The following GLRX5 variants were observed in gnomAD, a reference collection of about 807,000 sequenced individuals.
The protein encoded by GLRX5 is glutaredoxin 5.
A neutral mutation model predicts 13.8 loss-of-function variants in GLRX5; 10 were observed. That is an observed-to-expected ratio of 0.72 (90% CI 0.45 to 1.23). The LOEUF is 1.23. Ranked by LOEUF, GLRX5 falls within the 50% of genes most tolerant of loss-of-function variation. The probability of loss-of-function intolerance (pLI) is 0.00; values close to 1 mark genes in which losing one functional copy is unlikely to be tolerated. For missense variants in GLRX5, 233 were observed against 215.2 expected (o/e 1.08, Z -0.52); for synonymous variants, 98 against 101.1 (o/e 0.97, Z 0.18).
chr14:95,543,539 G>A, intron 1 of GLRX5: 1 of 311,726 alleles, frequency 3.2e-6, no homozygotes, highest in Non-Finnish European at 6.3e-6. Flanking sequence ...AGCTTGACTG[G>A]TAGATGGAGA....
In GLRX5 at chr14:95,544,020, C is replaced by T; in HGVS notation, c.369C>T (p.Asp123=). Residue 123 remains aspartate, a synonymous_variant, in exon 2 of 2, where the codon GAC becomes GAT. Transcript: ENST00000331334. The part of the protein sequence containing the change: ...YLNGEFVGGC[D]ILLQMHQNGD... The stretch of plus-strand genomic sequence containing the variant: ...ATGGCGAGTTTGTAGGGGGCTGTGA[C>T]ATTCTTCTGCAGATGCACCAGAATG... The T allele has an allele frequency of 4.3e-6, 7 of 1,614,054 alleles. No individual in the cohort carries two copies. Among genetic ancestry groups the T allele is most frequent in the Non-Finnish European group, 5.9e-6 (7 of 1,179,906 alleles).
intron 1 of GLRX5, 140 bp downstream of exon 1, chr14:95,535,524 G>C: frequency 2.5e-6 from 2 of 788,302 alleles, no homozygotes; most frequent in Non-Finnish European, 4.1e-6. Context: ...AGCCGGGTTA[G>C]GGCGAGGAGT....
Position 95,544,089 on chromosome 14 carries a change from C to T in GLRX5, c.438C>T (p.Ala146=). Residue 146 remains alanine, a synonymous_variant, in exon 2 of 2, where the codon GCC becomes GCT. Transcript: ENST00000331334. ...EELKKLGIHS[A]LLDEKKDQDS... ...TGAAAAAGCTGGGGATCCACTCCGC[C>T]CTTTTAGATGAAAAGAAAGACCAAG... 6.2e-7 allele frequency: 1 copy of T among 1,614,100 alleles called. No homozygotes were observed. Among genetic ancestry groups the T allele is most frequent in the Non-Finnish European group, 8.5e-7 (1 of 1,180,006 alleles).
At chr14:95,541,465 C>T (rs1008170851) in intron 1 of GLRX5, among the ~76,000 whole-genome samples, 8 of 152,228 alleles carry the variant, frequency 5.3e-5, no homozygotes, top group African/African-American at 1.7e-4. Flanking sequence ...TGCCAGCTGC[C>T]TATTACACCT....
In GLRX5 at chr14:95,544,031, A is replaced by G; in HGVS notation, c.380A>G (p.Gln127Arg). ...GTAGGGGGCTGTGACATTCTTCTGC[A>G]GATGCACCAGAATGGGGACTTGGTG... is the stretch of plus-strand genomic sequence containing the variant. ...EFVGGCDILLQMHQNGDLVEE... is the reference protein window; with the variant it reads ...EFVGGCDILLRMHQNGDLVEE... Residue 127 changes from glutamine to arginine, a missense_variant, in exon 2 of 2, where the codon CAG (glutamine) becomes CGG (arginine). By Grantham distance (43) the Gln-to-Arg change is conservative (BLOSUM62 1). Transcript: ENST00000331334. 6.2e-7 allele frequency: 1 copy of G among 1,613,922 alleles called. No individual in the cohort carries two copies. Among genetic ancestry groups the G allele is most frequent in the Non-Finnish European group, 8.5e-7 (1 of 1,179,744 alleles).
intron 1 of GLRX5, among the ~76,000 whole-genome samples, chr14:95,541,386 T>C (rs1891470426): frequency 6.6e-6 from 1 of 152,224 alleles, no homozygotes; most frequent in African/African-American, 2.4e-5. Flanking sequence ...ATATTTAAAC[T>C]GGTAATCAAC....
At chr14:95,539,914 A>G (rs756729130) in intron 1 of GLRX5, among the ~76,000 whole-genome samples, 1 of 149,024 alleles carries the variant, frequency 6.7e-6, no homozygotes, top group Non-Finnish European at 1.5e-5. Flanking sequence ...TTTTTTTGAG[A>G]GAGTGTTACT....
intron 1 of GLRX5, among the ~76,000 whole-genome samples, chr14:95,541,771 C>T (rs982395318): frequency 6.6e-6 from 1 of 152,304 alleles, no homozygotes. Context: ...TGATGAAAAG[C>T]AATTTTACTT....
intron 1 of GLRX5, chr14:95,543,490 A>G: frequency 6.3e-6 from 2 of 316,362 alleles, no homozygotes; most frequent in South Asian, 5.3e-5. Context: ...TTGGAAATGA[A>G]GTTGGTTGTG....
At chr14:95,543,196 A>C (rs1260971822) in intron 1 of GLRX5, 2 of 455,890 alleles carry the variant, frequency 4.4e-6, no homozygotes, top group African/African-American at 4.0e-5. Context: ...GGCCTTCATT[A>C]GACTCACCAG....
Position 95,535,165 on chromosome 14 carries a change from G to T in GLRX5, c.76G>T (p.Gly26Cys). ...GRGAGGGGLW[G>C]PGVRAAGSGA... Reference sequence around the variant, plus strand: ...CGGCGCGGGCGGCGGTGGCCTTTGGGGTCCGGGCGTGCGGGCGGCGGGCTC... The same window carrying T: ...CGGCGCGGGCGGCGGTGGCCTTTGGTGTCCGGGCGTGCGGGCGGCGGGCTC... The change falls in exon 1 of 2, where the codon GGT becomes TGT. Residue 26 changes from glycine (G) to cysteine (C), a missense_variant. Gly to Cys is a radical substitution (Grantham distance 159). Coordinates refer to ENST00000331334, the MANE Select transcript of GLRX5 (RefSeq NM_016417.3). 7.0e-7 allele frequency: 1 copy of T among 1,430,048 alleles called. No homozygotes were observed. Among genetic ancestry groups the T allele is most frequent in the Non-Finnish European group, 9.2e-7 (1 of 1,085,920 alleles). The allele number at this position is 1,430,048 out of a possible 1,614,324, so 88.6% of individuals were successfully genotyped here. A position where few individuals can be genotyped will look rare whatever the true frequency, so the allele number is the denominator to read the frequency against.
Position 95,544,021 on chromosome 14 carries a change from ATTC to A in GLRX5, c.375_377del (p.Leu126del). The A allele has an allele frequency of 6.2e-7, 1 of 1,614,106 alleles. No homozygotes were observed. Among genetic ancestry groups the A allele is most frequent in the Non-Finnish European group, 8.5e-7 (1 of 1,179,932 alleles). ...TGGCGAGTTTGTAGGGGGCTGTGAC[ATTC>A]TTCTGCAGATGCACCAGAATGGGGA... On this transcript the variant is annotated inframe_deletion, in exon 2 of 2. Coordinates refer to ENST00000331334, the MANE Select transcript of GLRX5 (RefSeq NM_016417.3).
intron 1 of GLRX5, among the ~76,000 whole-genome samples, chr14:95,541,369 T>C (rs1487326862): frequency 6.6e-6 from 1 of 152,232 alleles, no homozygotes; most frequent in African/African-American, 2.4e-5. Context: ...ATTGGGTATT[T>C]CCTTAAATAT....
rs748797629 is a variant in GLRX5 at position 95,544,616 on chromosome 14, G to A, written c.*491G>A. On this transcript the variant is annotated 3_prime_UTR_variant, in exon 2 of 2. Transcript: ENST00000331334. The stretch of plus-strand genomic sequence containing the variant: ...TGCTGTGCATGCCTGAGTTGATTCC[G>A]AAGTGCATATGTCTGTAAGGATTTG... The A allele has an allele frequency of 5.7e-6, 1 of 174,702 alleles. No homozygotes were observed. Among genetic ancestry groups the A allele is most frequent in the Non-Finnish European group, 1.2e-5 (1 of 80,640 alleles). The allele number at this position is 174,702 out of a possible 1,614,324, so 10.8% of individuals were successfully genotyped here.
chr14:95,538,727 G>T lies in GLRX5; in HGVS notation c.295+3343G>T, dbSNP rs557837675. 2.0e-5 allele frequency among the ~76,000 whole-genome samples: 3 copies of T among 152,334 alleles called. No individual in the cohort carries two copies. In the South Asian group the frequency reaches 6.2e-4, roughly 32 times the overall value. On this transcript the variant is annotated intron_variant, in intron 1 of 1. Transcript: ENST00000331334. The stretch of plus-strand genomic sequence containing the variant: ...AAAGGGCCAGAGACTAAGTACGTCA[G>T]GCTTTGTGGGCTGTGTGGTTTTTGT...
intron 1 of GLRX5, among the ~76,000 whole-genome samples, chr14:95,540,410 C>T (rs1224118106): frequency 6.6e-6 from 1 of 152,064 alleles, no homozygotes; most frequent in African/African-American, 2.4e-5. Flanking sequence ...ATATGTGAGG[C>T]GTAGAGTATA....
intron 1 of GLRX5, 60 bp downstream of exon 1, chr14:95,535,444 A>C: frequency 6.8e-7 from 1 of 1,466,610 alleles, no homozygotes; most frequent in Non-Finnish European, 9.2e-7. Context: ...TCGCTGCACG[A>C]GGCCGAGGGG....
At chr14:95,539,849 G>C (rs1239992922) in intron 1 of GLRX5, among the ~76,000 whole-genome samples, 1 of 151,912 alleles carries the variant, frequency 6.6e-6, no homozygotes, top group African/African-American at 2.4e-5. Flanking sequence ...CGCTTAAAGA[G>C]TATGAAACTC....
chr14:95,543,353 A>AAC (rs1555361398), intron 1 of GLRX5: 31 of 344,256 alleles, frequency 9.0e-5, no homozygotes, highest in South Asian at 2.7e-4. Flanking sequence ...AAAAAAAAAA[A>AAC]AACTCAACAA....
Sources: gnomAD v4.1 joint callset for allele counts (sites outside exome capture counted in the v4.1 genomes callset) on GRCh38, gnomAD v4.1.1 for gene constraint, MANE v1.5 for transcripts, NCBI Gene and HGNC (gene_info 2026-07-23, HGNC 2026-07-21) for gene names.